Variants in KCNQ2 observed in about 807,000 individuals in gnomAD.
KCNQ2 encodes potassium voltage-gated channel subfamily Q member 2.
In KCNQ2, 14 loss-of-function variants were observed where a neutral mutation model predicts 84.8. The ratio of observed to expected loss-of-function variants is 0.17; its 90% CI spans 0.11 to 0.26. KCNQ2 has a LOEUF of 0.26. KCNQ2 is among the 10% of genes least tolerant of loss of function. The probability of loss-of-function intolerance (pLI) is 1.00; values close to 1 mark genes in which losing one functional copy is unlikely to be tolerated. For synonymous variants in KCNQ2, 599 were observed against 554.1 expected (o/e 1.08, Z -1.14); for missense variants, 788 against 1,254.0 (o/e 0.63, Z 5.61).
At chr20:63,424,464 C>T in intron 10 of KCNQ2, 1 of 567,752 alleles carries the variant, frequency 1.8e-6, no homozygotes, top group East Asian at 2.8e-5. Flanking sequence ...CTCTTCTGAC[C>T]TGGGGGTCTC....
In KCNQ2 at chr20:63,444,845, G is replaced by A. The variant is rs767518912; in HGVS notation, c.515-11C>T. On this transcript the variant is annotated splice_polypyrimidine_tract_variant and intron_variant, in intron 3 of 16. Coordinates refer to ENST00000359125, the MANE Select transcript of KCNQ2 (RefSeq NM_172107.4). ...TGAGCACCATGATGTCTACAAAGCG[G>A]GCGTGGAGCTGGTGAGCTGCTGGGC... The A allele has an allele frequency of 5.1e-6, 8 of 1,580,744 alleles. No individual in the cohort carries two copies. The highest frequency in any genetic ancestry group is 6.9e-6 in the Non-Finnish European group (8 of 1,158,714).
chr20:63,419,047 G>A (rs890227056), intron 12 of KCNQ2, among the ~76,000 whole-genome samples: 1 of 152,116 alleles, frequency 6.6e-6, no homozygotes, highest in African/African-American at 2.4e-5. Flanking sequence ...GGAGGTGCGG[G>A]TCACGGTGCA....
chr20:63,450,448 G>A (rs2081576975), intron 1 of KCNQ2, among the ~76,000 whole-genome samples: 1 of 136,880 alleles, frequency 7.3e-6, no homozygotes, highest in East Asian at 2.2e-4. Context: ...GGACGCTGTG[G>A]CTGCCCCATG....
In KCNQ2 at chr20:63,472,278, C is replaced by G; in HGVS notation, c.186G>C (p.Ala62=). ...SILSKPRAGG[A]GAGKPPKRNA... ...TGCGCTTGGGGGGCTTCCCGGCGCC[C>G]GCGCCGCCCGCGCGAGGTTTGCTGA... Residue 62 remains alanine (A), a synonymous_variant, in exon 1 of 17, where the codon GCG becomes GCC. Coordinates refer to ENST00000359125, the MANE Select transcript of KCNQ2 (RefSeq NM_172107.4). 6.5e-7 allele frequency: 1 copy of G among 1,537,308 alleles called. No homozygotes were observed. The highest frequency in any genetic ancestry group is 8.8e-7 in the Non-Finnish European group (1 of 1,142,068).
chr20:63,456,909 G>A (rs867536584), intron 1 of KCNQ2, among the ~76,000 whole-genome samples: 3 of 152,212 alleles, frequency 2.0e-5, no homozygotes, highest in African/African-American at 4.8e-5. Context: ...GCAGGGCCCC[G>A]GGGATGAGCA....
chr20:63,409,027 G>A (rs957176484), intron 15 of KCNQ2, among the ~76,000 whole-genome samples: 1 of 152,236 alleles, frequency 6.6e-6, no homozygotes, highest in Non-Finnish European at 1.5e-5. Flanking sequence ...TGAAGCCGTC[G>A]GCCCCACCGG....
intron 12 of KCNQ2, among the ~76,000 whole-genome samples, chr20:63,416,526 C>G (rs1373410650): frequency 1.3e-5 from 2 of 152,216 alleles, no homozygotes; most frequent in Non-Finnish European, 2.9e-5. Context: ...CCATGCTTAG[C>G]AGCCACGGAA....
intron 8 of KCNQ2, 166 bp downstream of exon 8, chr20:63,433,643 A>G: frequency 7.7e-7 from 1 of 1,306,648 alleles, no homozygotes; most frequent in Non-Finnish European, 1.1e-6. Context: ...CACAAAGGGC[A>G]GAAGCAACGC....
chr20:63,448,307 A>G (rs2081495285), intron 1 of KCNQ2: 1 of 152,312 alleles, frequency 6.6e-6, no homozygotes, highest in Non-Finnish European at 1.5e-5. Context: ...AAAGGAGGCC[A>G]TGCGTGGGAC....
chr20:63,443,089 A>G (rs1458492690), intron 4 of KCNQ2, among the ~76,000 whole-genome samples: 38 of 24,794 alleles, frequency 1.5e-3, no homozygotes, highest in Non-Finnish European at 1.8e-3. Context: ...CACCACCATT[A>G]TCACCACCAT....
At chr20:63,409,835 A>ATGG in intron 15 of KCNQ2, 1 of 99,340 alleles carries the variant, frequency 1.0e-5, no homozygotes, top group Non-Finnish European at 2.0e-5. Context: ...CCTGCCTCTG[A>ATGG]TGGGGGCGGG....
chr20:63,414,071 C>T lies in KCNQ2; in HGVS notation c.1631+17G>A. On this transcript the variant is annotated intron_variant, in intron 14 of 16. Coordinates refer to ENST00000359125, the MANE Select transcript of KCNQ2 (RefSeq NM_172107.4). This position sits in a 1 kb window ranked among gnomAD's most constrained non-coding sequence, Gnocchi z 6.6. ...CCTCCTCACTCCCCCAGGCTCCCGG[C>T]TGGGCAGGGGCCTCACCACACGGCT... 1 of 1,599,822 alleles carries T rather than the reference C, an allele frequency of 6.3e-7. No individual in the cohort carries two copies.
chr20:63,453,494 T>A (rs2081677206), intron 1 of KCNQ2, among the ~76,000 whole-genome samples: 1 of 152,230 alleles, frequency 6.6e-6, no homozygotes, highest in Non-Finnish European at 1.5e-5. Flanking sequence ...CGATCCTCTG[T>A]CTGCCTAACG....
intron 15 of KCNQ2, chr20:63,411,841 C>T (rs1161769578): frequency 1.6e-5 from 11 of 702,780 alleles, no homozygotes; most frequent in African/African-American, 7.2e-5. Context: ...CTTCTTGTGC[C>T]GGGGAGTTGA....
intron 1 of KCNQ2, among the ~76,000 whole-genome samples, chr20:63,454,342 G>C (rs73918925): frequency 0.024 from 3,617 of 152,320 alleles, 141 homozygotes; most frequent in African/African-American, 0.081. Context: ...TGTTTTTTAA[G>C]TTTTTGGAAC....
rs551180790 is a variant in KCNQ2 at position 63,414,700 on chromosome 20, G to A, written c.1525+203C>T. 4.6e-5 allele frequency among the ~76,000 whole-genome samples: 7 copies of A among 151,554 alleles called. No individual in the cohort carries two copies. In the East Asian group the frequency reaches 9.7e-4, roughly 21 times the overall value. On this transcript the variant is annotated intron_variant, in intron 13 of 16. Coordinates refer to ENST00000359125, the MANE Select transcript of KCNQ2 (RefSeq NM_172107.4). This position sits in a 1 kb window ranked among gnomAD's most constrained non-coding sequence, Gnocchi z 6.6. ...TGGTGGTGACAACTCCACCGTGAGC[G>A]TGCTACATGCCACTGAATTCCTACA...
intron 8 of KCNQ2, among the ~76,000 whole-genome samples, chr20:63,431,714 A>G (rs909779195): frequency 2.0e-5 from 3 of 152,138 alleles, no homozygotes; most frequent in Non-Finnish European, 4.4e-5. Flanking sequence ...TCCTCCTCCC[A>G]AGTGACACCC....
Position 63,446,946 on chromosome 20 carries a change from G to C in KCNQ2, c.297-109C>G, listed in dbSNP as rs1052514972. 2.4e-5 allele frequency: 23 copies of C among 954,218 alleles called. No individual in the cohort carries two copies. The highest frequency in any genetic ancestry group is 1.8e-4 in the South Asian group (14 of 76,668). The allele number at this position is 954,218 out of a possible 1,614,324, so 59.1% of individuals were successfully genotyped here. A position where few individuals can be genotyped will look rare whatever the true frequency, so the allele number is the denominator to read the frequency against. ...CCCACCAGGCCGCAGCAGGGCACCA[G>C]CATGGCCGCGTCTCCAGAACGCAGG... On this transcript the variant is annotated intron_variant, in intron 1 of 16. Coordinates refer to ENST00000359125, the MANE Select transcript of KCNQ2 (RefSeq NM_172107.4). The surrounding 1 kb of genome is among the most constrained non-coding windows in gnomAD (Gnocchi z 5.5).
intron 1 of KCNQ2, among the ~76,000 whole-genome samples, chr20:63,457,530 C>T (rs550283668): frequency 9.2e-5 from 14 of 152,368 alleles, no homozygotes; most frequent in African/African-American, 3.4e-4. Context: ...CTCCTTCCAA[C>T]ATCCTGGGCA....
Sources: allele counts gnomAD v4.1 joint callset (sites outside exome capture counted in the v4.1 genomes callset), GRCh38; gene constraint gnomAD v4.1.1; non-coding constraint Gnocchi (gnomAD v3.1); transcripts MANE v1.5; gene names NCBI Gene and HGNC (gene_info 2026-07-23, HGNC 2026-07-21).